Variants in RPL13 observed in about 807,000 individuals in gnomAD.
The protein encoded by RPL13 is large ribosomal subunit protein eL13.
Under a neutral mutation model 21.4 loss-of-function variants are expected in RPL13, and 1 was observed. That is an observed-to-expected ratio of 0.05 (90% CI 0.02 to 0.22). RPL13 has a LOEUF of 0.22. RPL13 is among the 10% of genes least tolerant of loss of function. The probability of loss-of-function intolerance (pLI) is 1.00; values close to 1 mark genes in which losing one functional copy is unlikely to be tolerated. For synonymous variants in RPL13, 143 were observed against 120.5 expected (o/e 1.19, Z -1.23); for missense variants, 289 against 303.0 (o/e 0.95, Z 0.34).
At position 89,563,238 on chromosome 16, in the gene RPL13, TGGTTAGTGACTGATGTAAAAC is replaced by T. The variant is rs1414341347; in HGVS notation, c.*201_*221del. Reference sequence around the variant, plus strand: ...CTGTGTTGAAGCACTGTTGGTTGTTTGGTTAGTGACTGATGTAAAACGGTTTTCTTGTGGGGAGGTTACAGA... The same window carrying T: ...CTGTGTTGAAGCACTGTTGGTTGTTTGGTTTTCTTGTGGGGAGGTTACAGA... On this transcript the variant is annotated 3_prime_UTR_variant, in exon 6 of 6. Coordinates refer to ENST00000311528, the MANE Select transcript of RPL13 (RefSeq NM_000977.4). 3.8e-5 allele frequency: 18 copies of T among 473,916 alleles called. No homozygotes were observed. Among genetic ancestry groups the T allele is most frequent in the Admixed American group, 2.3e-4 (5 of 22,146 alleles). The allele number at this position is 473,916 out of a possible 1,614,324, so 29.4% of individuals were successfully genotyped here.
chr16:89,560,884 G>GA, intron 1 of RPL13, 56 bp from the exon 2 acceptor site: 1 of 1,322,918 alleles, frequency 7.6e-7, no homozygotes, highest in Non-Finnish European at 1.0e-6. Context: ...GCGGAGGCCC[G>GA]GGGGGGTGCG....
downstream of RPL13, chr16:89,566,214 G>T: frequency 6.6e-6 from 1 of 151,648 alleles, no homozygotes; most frequent in Non-Finnish European, 1.5e-5. Flanking sequence ...AACTGATCGG[G>T]GATAGTCTCA....
upstream of RPL13, chr16:89,560,670 C>G (rs533642798): frequency 1.4e-5 from 5 of 347,960 alleles, no homozygotes; most frequent in Middle Eastern, 8.0e-4. Flanking sequence ...GAGTGCATTG[C>G]GGGGCCGCTT....
chr16:89,566,361 C>G (rs2058791399), downstream of RPL13: 1 of 138,038 alleles, frequency 7.2e-6, no homozygotes, highest in Non-Finnish European at 1.6e-5. Flanking sequence ...ACCGGCTGCT[C>G]TGGCCCGAGC....
chr16:89,564,715 G>C (rs1395943982), downstream of RPL13: 2 of 152,256 alleles, frequency 1.3e-5, no homozygotes, highest in Admixed American at 6.5e-5. Context: ...TCCCTCTCAC[G>C]TGAGAGGGCC....
chr16:89,562,305 C>T (rs2058751070), intron 4 of RPL13, 30 bp from the exon 5 acceptor site: 1 of 1,611,956 alleles, frequency 6.2e-7, no homozygotes, highest in Admixed American at 1.7e-5. Context: ...GTGCGGCCAA[C>T]CCCACTTAAC....
In RPL13 at chr16:89,561,737, A is replaced by G. The variant is rs767933386; in HGVS notation, c.406A>G (p.Lys136Glu). ...CCCCAGGAAGCCCTCGGCCCCCAAG[A>G]AGGGAGACAGTTCTGTGAGTACACG... is the stretch of plus-strand genomic sequence containing the variant. The part of the protein sequence containing the change: ...LFPRKPSAPK[K>E]GDSSAEELKL... The change falls in exon 4 of 6, where the codon AAG becomes GAG. Residue 136 changes from lysine to glutamate, a missense_variant. Coordinates refer to ENST00000311528, the MANE Select transcript of RPL13 (RefSeq NM_000977.4). 1 of 1,613,540 alleles carries G rather than the reference A, an allele frequency of 6.2e-7. No individual in the cohort carries two copies. The highest frequency in any genetic ancestry group is 1.7e-5 in the Admixed American group (1 of 60,016).
Position 89,562,183 on chromosome 16 carries a change from TCTTAAC to T in RPL13, c.421-151_421-146del, listed in dbSNP as rs1375384102. 1.1e-5 allele frequency: 8 copies of T among 720,714 alleles called. No homozygotes were observed. In the Admixed American group the frequency reaches 2.1e-4, roughly 19 times the overall value. 44.6% of individuals were successfully genotyped at this position (720,714 alleles called of 1,614,324 possible). Reference sequence around the variant, plus strand: ...TAGTCACCTAACTAATAAGGACTGTTCTTAACATTGGGGCCACAAAGTGTGTTGTAG... The same window carrying T: ...TAGTCACCTAACTAATAAGGACTGTTATTGGGGCCACAAAGTGTGTTGTAG... On this transcript the variant is annotated intron_variant, in intron 4 of 5. Transcript: ENST00000311528.
At position 89,562,867 on chromosome 16, in the gene RPL13, C is replaced by T. The variant is rs371992655; in HGVS notation, c.478-17C>T. ...CTTTGGTGCATGTGGGTTTAACAACCTGTCTTTCTCTTCTAGGTCTATAAG... is the reference window on the plus strand; with the variant it reads ...CTTTGGTGCATGTGGGTTTAACAACTTGTCTTTCTCTTCTAGGTCTATAAG... On this transcript the variant is annotated splice_polypyrimidine_tract_variant and intron_variant, in intron 5 of 5. Transcript: ENST00000311528. 3.4e-5 allele frequency: 51 copies of T among 1,521,954 alleles called. No homozygotes were observed. In the African/African-American group the frequency reaches 6.0e-4, roughly 18 times the overall value. 94.3% of individuals were successfully genotyped at this position (1,521,954 alleles called of 1,614,324 possible).
Position 89,561,638 on chromosome 16 carries a change from C to T in RPL13, c.307C>T (p.Arg103Trp), listed in dbSNP as rs993312271. The change falls in exon 4 of 6, where the codon CGG becomes TGG. Residue 103 changes from arginine to tryptophan, a missense_variant. Transcript: ENST00000311528. ...CGGCATTTCTGTGGATCCGAGGAGG[C>T]GGAACAAGTCCACGGAGTCCCTGCA... ...TIGISVDPRRRNKSTESLQAN... is the reference protein window; with the variant it reads ...TIGISVDPRRWNKSTESLQAN... The T allele has an allele frequency of 7.4e-6, 12 of 1,613,698 alleles. 1 individual carries two copies. The highest frequency in any genetic ancestry group is 4.5e-5 in the East Asian group (2 of 44,900).
At chr16:89,565,361 C>T (rs79830982), downstream of RPL13, 2 of 152,734 alleles carry the variant, frequency 1.3e-5, no homozygotes, top group Non-Finnish European at 2.9e-5. Flanking sequence ...TAGTGCGGCT[C>T]TGCCCTTCCT....
At position 89,561,611 on chromosome 16, in the gene RPL13, A is replaced by G. The variant is rs1446082981; in HGVS notation, c.280A>G (p.Ile94Val). ...AGIHKKVART[I>V]GISVDPRRRN... ...CATTCACAAGAAGGTGGCCCGGACC[A>G]TCGGCATTTCTGTGGATCCGAGGAG... Residue 94 changes from isoleucine (I) to valine (V), a missense_variant, in exon 4 of 6, where the codon ATC becomes GTC. Ile to Val is a conservative substitution (Grantham distance 29). Coordinates refer to ENST00000311528, the MANE Select transcript of RPL13 (RefSeq NM_000977.4). 9 of 1,613,608 alleles carry G rather than the reference A, an allele frequency of 5.6e-6. No homozygotes were observed. Among genetic ancestry groups the G allele is most frequent in the African/African-American group, 1.3e-5 (1 of 74,942 alleles).
Position 89,562,272 on chromosome 16 carries a change from G to A in RPL13, c.421-63G>A, listed in dbSNP as rs551235911. The A allele has an allele frequency of 3.3e-6, 5 of 1,535,580 alleles. No homozygotes were observed. The African/African-American group carries it at 6.8e-5, about 21-fold the overall frequency. On this transcript the variant is annotated intron_variant, in intron 4 of 5. Coordinates refer to ENST00000311528, the MANE Select transcript of RPL13 (RefSeq NM_000977.4). ...TCCCCAGGGGAAAGTTTGGGGCCAG[G>A]TGAGGGTGGAGTCCTTGCAGCAGTG...
intron 5 of RPL13, 191 bp from the exon 6 acceptor site, chr16:89,562,693 G>A (rs2058754406): frequency 6.6e-6 from 4 of 603,216 alleles, no homozygotes; most frequent in Non-Finnish European, 1.1e-5. Flanking sequence ...GCCATGTCCA[G>A]CTCAGGGAGG....
At chr16:89,562,287 T>C (rs2058750860) in intron 4 of RPL13, 48 bp from the exon 5 acceptor site, 6 of 1,596,016 alleles carry the variant, frequency 3.8e-6, no homozygotes, top group South Asian at 3.3e-5. Flanking sequence ...GGTGGAGTCC[T>C]TGCAGCAGTG....
downstream of RPL13, chr16:89,566,724 C>CT (rs2058794756): frequency 6.6e-6 from 1 of 151,978 alleles, no homozygotes; most frequent in African/African-American, 2.4e-5. Flanking sequence ...GAGTGTGCAT[C>CT]TTTGAGTTGT....
At chr16:89,562,654 T>C in intron 5 of RPL13, 3 of 577,738 alleles carry the variant, frequency 5.2e-6, no homozygotes, top group Non-Finnish European at 8.8e-6. Flanking sequence ...TACATTGGTT[T>C]TGAATTGCTG....
chr16:89,560,761 C>G, intron 1 of RPL13, 49 bp downstream of exon 1: 2 of 528,754 alleles, frequency 3.8e-6, no homozygotes, highest in Non-Finnish European at 3.3e-6. Flanking sequence ...GCGCCATCGG[C>G]CTGGCGCTTC....
In RPL13 at chr16:89,561,771, G is replaced by A; in HGVS notation, c.420+20G>A. 6.2e-7 allele frequency: 1 copy of A among 1,607,432 alleles called. No homozygotes were observed. Among genetic ancestry groups the A allele is most frequent in the East Asian group, 2.2e-5 (1 of 44,722 alleles). On this transcript the variant is annotated intron_variant, in intron 4 of 5. Coordinates refer to ENST00000311528, the MANE Select transcript of RPL13 (RefSeq NM_000977.4). ...AGTTCTGTGAGTACACGGCTCTCTG[G>A]CCGTCCTGGTGCGCGGGGACAGTGA...
Sources: allele counts gnomAD v4.1 joint callset, GRCh38; gene constraint gnomAD v4.1.1; transcripts MANE v1.5; gene names NCBI Gene and HGNC (gene_info 2026-07-23, HGNC 2026-07-21).